OCA2: variants seen among roughly 807,000 people sequenced by gnomAD.
The protein encoded by OCA2 is OCA2 melanosomal transmembrane protein, also known as P protein.
Under a neutral mutation model 100.2 loss-of-function variants are expected in OCA2, and 77 were observed. That is an observed-to-expected ratio of 0.77 (90% CI 0.64 to 0.93). OCA2 has a LOEUF of 0.93. Among genes scored for constraint, OCA2 ranks in the 40% least tolerant of loss-of-function variants. The probability of loss-of-function intolerance (pLI) is 0.00; values close to 1 mark genes in which losing one functional copy is unlikely to be tolerated. For missense variants in OCA2, 1,062 were observed against 1,089.1 expected, an observed-to-expected ratio of 0.98 and a Z score of 0.35; for synonymous variants, 432 against 439.2, an observed-to-expected ratio of 0.98 and a Z score of 0.21.
At chr15:27,727,145 T>A in the OCA2 span, among the ~76,000 whole-genome samples, 19 of 152,280 alleles carry the variant, frequency 1.2e-4, no homozygotes, top group African/African-American at 3.6e-4. Flanking sequence ...ATGAGGCATG[T>A]GGTGGTGTCT....
chr15:27,824,141 G>A (rs548731499), intron 23 of OCA2, among the ~76,000 whole-genome samples: 3 of 152,346 alleles, frequency 2.0e-5, no homozygotes, highest in Admixed American at 6.5e-5. Context: ...GCTGAGGCCA[G>A]TGGATCACCT....
chr15:27,847,288 CG>C (rs1270013755), intron 22 of OCA2, among the ~76,000 whole-genome samples: 1 of 152,198 alleles, frequency 6.6e-6, no homozygotes, highest in East Asian at 1.9e-4. Flanking sequence ...AGACAGAGGG[CG>C]GGGAGCTGGT....
intron 9 of OCA2, among the ~76,000 whole-genome samples, chr15:27,997,230 G>A (rs115404814): frequency 0.011 from 1,261 of 111,526 alleles, 20 homozygotes; most frequent in African/African-American, 0.029. Flanking sequence ...AGAAAGAAAG[G>A]AAGGAAGGAG....
At chr15:27,976,841 TG>T (rs1265976688) in intron 14 of OCA2, among the ~76,000 whole-genome samples, 4 of 152,176 alleles carry the variant, frequency 2.6e-5, no homozygotes, top group African/African-American at 9.6e-5. Context: ...CTTAACTATT[TG>T]GGAGAATTCA....
chr15:28,098,413 C>T (rs895457826), intron 1 of OCA2, among the ~76,000 whole-genome samples: 1 of 152,240 alleles, frequency 6.6e-6, no homozygotes, highest in African/African-American at 2.4e-5. Flanking sequence ...GAAGCTCAGG[C>T]TCACCAAGCA....
intron 14 of OCA2, among the ~76,000 whole-genome samples, chr15:27,973,274 G>A (rs901293931): frequency 6.6e-6 from 1 of 152,118 alleles, no homozygotes; most frequent in Non-Finnish European, 1.5e-5. Flanking sequence ...GTGTCCAAAG[G>A]AGTTTTTCAT....
intron 19 of OCA2, among the ~76,000 whole-genome samples, chr15:27,873,079 G>A (rs887154844): frequency 3.5e-4 from 54 of 152,356 alleles, no homozygotes; most frequent in African/African-American, 1.1e-3. Context: ...GAGCCCAAAT[G>A]TTGGGTCTTC....
chr15:27,871,581 C>T (rs1308640829), intron 20 of OCA2, among the ~76,000 whole-genome samples: 2 of 152,210 alleles, frequency 1.3e-5, no homozygotes, highest in Non-Finnish European at 2.9e-5. Flanking sequence ...GGGGCTGGGG[C>T]GCCTGCAGCA....
At chr15:27,821,492 C>T (rs1264466803) in intron 23 of OCA2, among the ~76,000 whole-genome samples, 5 of 151,864 alleles carry the variant, frequency 3.3e-5, no homozygotes, top group Non-Finnish European at 5.9e-5. Flanking sequence ...GCACGCACAC[C>T]CACACAGGTA....
intron 14 of OCA2, among the ~76,000 whole-genome samples, chr15:27,981,048 T>C (rs535370637): frequency 1.5e-4 from 23 of 152,364 alleles, no homozygotes; most frequent in Middle Eastern, 3.4e-3. Flanking sequence ...TTTTCAGTCC[T>C]TGTTATTATC....
At chr15:27,965,715 C>T (rs1022474643) in intron 15 of OCA2, among the ~76,000 whole-genome samples, 1 of 152,182 alleles carries the variant, frequency 6.6e-6, no homozygotes, top group Non-Finnish European at 1.5e-5. Context: ...AGAAGAGCGC[C>T]TTCATCTGCT....
intron 19 of OCA2, among the ~76,000 whole-genome samples, chr15:27,900,407 T>C (rs1398761671): frequency 6.6e-6 from 1 of 152,188 alleles, no homozygotes; most frequent in African/African-American, 2.4e-5. Flanking sequence ...TGCTGGTCTT[T>C]GTTGTCTCAT....
chr15:27,748,309 T>TG, the OCA2 span, among the ~76,000 whole-genome samples: 4 of 152,096 alleles, frequency 2.6e-5, no homozygotes, highest in African/African-American at 9.7e-5. Context: ...TGCTCCATAG[T>TG]TGGGGGAGAA....
At chr15:28,007,581 T>C (rs1209756280) in intron 9 of OCA2, among the ~76,000 whole-genome samples, 1 of 152,090 alleles carries the variant, frequency 6.6e-6, no homozygotes, top group East Asian at 1.9e-4. Flanking sequence ...ATACAAAAAA[T>C]TAGCCGGGGG....
chr15:28,022,006 T>C (rs999507732), intron 6 of OCA2, among the ~76,000 whole-genome samples: 3 of 152,160 alleles, frequency 2.0e-5, no homozygotes, highest in Non-Finnish European at 4.4e-5. Context: ...CAAGGCATGC[T>C]CATCTCCAAG....
intron 23 of OCA2, among the ~76,000 whole-genome samples, chr15:27,761,288 T>G (rs1312293462): frequency 6.6e-6 from 1 of 152,086 alleles, no homozygotes; most frequent in Non-Finnish European, 1.5e-5. Context: ...TTTTTTCCTA[T>G]AAACTACCAA....
chr15:28,079,143 G>C (rs760570437), intron 2 of OCA2, among the ~76,000 whole-genome samples: 15 of 152,168 alleles, frequency 9.9e-5, no homozygotes, highest in Non-Finnish European at 1.6e-4. Flanking sequence ...GCATCTCATA[G>C]TGTTCTTTCG....
chr15:27,725,339 G>A, the OCA2 span, among the ~76,000 whole-genome samples: 1 of 152,214 alleles, frequency 6.6e-6, no homozygotes, highest in Non-Finnish European at 1.5e-5. Flanking sequence ...CACTTTGGGA[G>A]GCCAAGGTGG....
intron 21 of OCA2, among the ~76,000 whole-genome samples, chr15:27,868,884 C>T (rs1042847869): frequency 3.0e-4 from 45 of 152,156 alleles, no homozygotes; most frequent in African/African-American, 1.1e-3. Context: ...TTCAATACAG[C>T]TTTTTAAAAA....
Sources: allele counts gnomAD v4.1 joint callset (sites outside exome capture counted in the v4.1 genomes callset), GRCh38; gene constraint gnomAD v4.1.1; transcripts MANE v1.5; gene names NCBI Gene and HGNC (gene_info 2026-07-23, HGNC 2026-07-21).